FAM221B: variants seen among roughly 807,000 people sequenced by gnomAD.
FAM221B encodes family with sequence similarity 221 member B, also known as protein FAM221B.
In FAM221B, 35 loss-of-function variants were observed where a neutral mutation model predicts 39.8. That is an observed-to-expected ratio of 0.88 (90% confidence interval 0.67 to 1.17). The LOEUF (loss-of-function observed/expected upper bound fraction) is 1.17. Among genes scored for constraint, FAM221B ranks in the 50% most tolerant of loss-of-function variants. The pLI is 0.00. For missense variants in FAM221B, 479 were observed against 503.1 expected (o/e 0.95, Z 0.46); for synonymous variants, 158 against 178.1 (o/e 0.89, Z 0.90).
chr9:35,819,623 G>C (rs890261171), intron 4 of FAM221B, among the ~76,000 whole-genome samples: 1 of 152,184 alleles, frequency 6.6e-6, no homozygotes. Flanking sequence ...CTCCTGAGTA[G>C]CTGGGACTAC....
At chr9:35,818,574 C>A (rs886170203) in intron 6 of FAM221B, 68 bp from the exon 7 acceptor site, 3 of 1,469,470 alleles carry the variant, frequency 2.0e-6, no homozygotes, top group Non-Finnish European at 2.8e-6. Flanking sequence ...AGGCTGGAGA[C>A]CGTGTGAACC....
At chr9:35,823,445 C>T (rs975547636) in intron 3 of FAM221B, among the ~76,000 whole-genome samples, 2 of 152,226 alleles carry the variant, frequency 1.3e-5, no homozygotes, top group African/African-American at 4.8e-5. Flanking sequence ...TTTCTGTACA[C>T]ATCACATATA....
chr9:35,820,021 G>T, intron 3 of FAM221B, 21 bp from the exon 4 acceptor site: 1 of 1,577,896 alleles, frequency 6.3e-7, no homozygotes, highest in Non-Finnish European at 8.7e-7. Context: ...AGGATTAAAA[G>T]TGAGAAGTAA....
Position 35,819,939 on chromosome 9 carries a change from C to G in FAM221B, c.804G>C (p.Glu268Asp). The change falls in exon 4 of 7, where the codon GAG becomes GAC. Residue 268 changes from glutamate to aspartate, a missense_variant. By Grantham distance (45) the Glu-to-Asp change is conservative. Coordinates refer to ENST00000423537, the MANE Select transcript of FAM221B (RefSeq NM_001012446.4). The stretch of plus-strand genomic sequence containing the variant: ...ACAAGTGTCCACAAAAGCATCTGGA[C>G]TCATCCCCAATCCGGAAACAGTCCC... ...YLWDCFRIGD[E>D]SRCFCGHLLR... 1 of 1,614,192 alleles carries G rather than the reference C, an allele frequency of 6.2e-7. No individual in the cohort carries two copies.
chr9:35,825,612 C>T lies in FAM221B; in HGVS notation c.550G>A (p.Asp184Asn), dbSNP rs375534080. Residue 184 changes from aspartate to asparagine, a missense_variant, in exon 2 of 7, where the codon GAT becomes AAT. Coordinates refer to ENST00000423537, the MANE Select transcript of FAM221B (RefSeq NM_001012446.4). The surrounding 1 kb of genome is among the most constrained non-coding windows in gnomAD (Gnocchi z 4.2). ...GTGTGAGCAGTGCTGTCACTGGCAT[C>T]TACTCCCTTTTCAACCTCTCCTGCT... Reference protein sequence around the residue: ...EEAGEVEKGVDASDSTAHTAQ... With the variant: ...EEAGEVEKGVNASDSTAHTAQ... 2.0e-5 allele frequency: 33 copies of T among 1,613,952 alleles called. No individual in the cohort carries two copies. Among genetic ancestry groups the T allele is most frequent in the Non-Finnish European group, 2.8e-5 (33 of 1,179,962 alleles).
At position 35,825,107 on chromosome 9, in the gene FAM221B, G is replaced by T; in HGVS notation, c.742+123C>A. On this transcript the variant is annotated intron_variant, in intron 3 of 6. Transcript: ENST00000423537. This position sits in a 1 kb window ranked among gnomAD's most constrained non-coding sequence, Gnocchi z 4.2. ...GCCCACTTGCCTGCTCCTTTTCCAG[G>T]CAGGTGGTATAGCCATTTCCAAAAG... 8.8e-7 allele frequency: 1 copy of T among 1,142,462 alleles called. No homozygotes were observed. Among genetic ancestry groups the T allele is most frequent in the Non-Finnish European group, 1.2e-6 (1 of 814,192 alleles). 70.8% of individuals were successfully genotyped at this position (1,142,462 alleles called of 1,614,324 possible).
intron 1 of FAM221B, among the ~76,000 whole-genome samples, chr9:35,827,999 G>C (rs1254682092): frequency 1.3e-5 from 2 of 152,022 alleles, no homozygotes; most frequent in Non-Finnish European, 2.9e-5. Flanking sequence ...AGGATGAAAA[G>C]TACAGAATGT....
At position 35,818,151 on chromosome 9, in the gene FAM221B, TC is replaced by T. The variant is rs1453418447; in HGVS notation, c.*317del. 5.5e-6 allele frequency: 2 copies of T among 366,300 alleles called. No homozygotes were observed. Among genetic ancestry groups the T allele is most frequent in the African/African-American group, 4.1e-5 (2 of 48,472 alleles). 22.7% of individuals were successfully genotyped at this position (366,300 alleles called of 1,614,324 possible). On this transcript the variant is annotated 3_prime_UTR_variant, in exon 7 of 7. Transcript: ENST00000423537. ...CTGCACTCTCCGATGTTCCCAAAGATCTTCTAATTGCAAAACCCAATGGACA... is the reference window on the plus strand; with the variant it reads ...CTGCACTCTCCGATGTTCCCAAAGATTTCTAATTGCAAAACCCAATGGACA...
intron 1 of FAM221B, chr9:35,826,839 C>A: frequency 6.6e-6 from 1 of 152,430 alleles, no homozygotes; most frequent in East Asian, 1.9e-4. Context: ...TGGAGTCTCG[C>A]TCTGTTGCCC....
At chr9:35,819,497 C>CTTT in intron 4 of FAM221B, 103 bp from the exon 5 acceptor site, 3 of 856,190 alleles carry the variant, frequency 3.5e-6, no homozygotes, top group Non-Finnish European at 5.1e-6. Flanking sequence ...CGCAGACATG[C>CTTT]TTTTTTTTTT....
At position 35,826,031 on chromosome 9, in the gene FAM221B, G is replaced by A; in HGVS notation, c.131C>T (p.Thr44Ile). ...HISESFLKPS[T>I]SETPLEPHTS... The stretch of plus-strand genomic sequence containing the variant: ...ATGGGGCTCTAACGGGGTCTCAGAG[G>A]TGGAAGGCTTCAAGAAGCTTTCAGA... The change falls in exon 2 of 7, where the codon ACC (threonine) becomes ATC (isoleucine). Residue 44 changes from threonine to isoleucine, a missense_variant. By Grantham distance (89) the Thr-to-Ile change is moderately conservative. Transcript: ENST00000423537. 6.2e-7 allele frequency: 1 copy of A among 1,614,132 alleles called. No individual in the cohort carries two copies. Among genetic ancestry groups the A allele is most frequent in the Non-Finnish European group, 8.5e-7 (1 of 1,180,012 alleles).
chr9:35,820,559 G>A (rs990101426), intron 3 of FAM221B, among the ~76,000 whole-genome samples: 10 of 152,264 alleles, frequency 6.6e-5, no homozygotes, highest in Middle Eastern at 3.4e-3. Context: ...TTCCTCTCAC[G>A]TCTCCACGTT....
At position 35,828,329 on chromosome 9, in the gene FAM221B, A is replaced by AACAACT. The variant is rs201183435; in HGVS notation, c.-1+128_-1+133dup. The AACAACT allele has an allele frequency of 8.5e-3, 1,188 of 139,040 alleles. 32 individuals are homozygous for AACAACT. Among genetic ancestry groups the AACAACT allele is most frequent in the African/African-American group, 0.031 (990 of 31,868 alleles). The allele number at this position is 139,040 out of a possible 1,614,324, so 8.6% of individuals were successfully genotyped here. On this transcript the variant is annotated intron_variant, in intron 1 of 6. Transcript: ENST00000423537. The surrounding 1 kb of genome is among the most constrained non-coding windows in gnomAD (Gnocchi z 4.5). The stretch of plus-strand genomic sequence containing the variant: ...CAACAACAACAACAACAACAACAAC[A>AACAACT]ACAACTACTACTACTACTACTACTA...
Position 35,828,131 on chromosome 9 carries a change from A to T in FAM221B, c.-1+332T>A, listed in dbSNP as rs1374723872. Among the ~76,000 whole-genome samples, 3 of 152,122 alleles carry T rather than the reference A, an allele frequency of 2.0e-5. No individual in the cohort carries two copies. The highest frequency in any genetic ancestry group is 4.4e-5 in the Non-Finnish European group (3 of 68,020). On this transcript the variant is annotated intron_variant, in intron 1 of 6. Coordinates refer to ENST00000423537, the MANE Select transcript of FAM221B (RefSeq NM_001012446.4). The surrounding 1 kb of genome is among the most constrained non-coding windows in gnomAD (Gnocchi z 4.5). ...ACATGGTGAAACCCAGTCTCTACTA[A>T]AAATACAAAAATTAGCTGGGCATGG...
intron 3 of FAM221B, among the ~76,000 whole-genome samples, chr9:35,823,997 G>T (rs1164431748): frequency 7.1e-6 from 1 of 140,016 alleles, no homozygotes; most frequent in Non-Finnish European, 1.6e-5. Flanking sequence ...AACCGAATAT[G>T]TTAACATAAG....
At chr9:35,818,867 CCT>C (rs1829072311) in intron 6 of FAM221B, 21 bp downstream of exon 6, 7 of 1,550,980 alleles carry the variant, frequency 4.5e-6, no homozygotes, top group South Asian at 3.6e-5. Context: ...GGAATGGCCC[CCT>C]GTCCCAGGTT....
rs768551288 is a variant in FAM221B at position 35,826,073 on chromosome 9, A to G, written c.89T>C (p.Leu30Ser). ...PPSKDPSAED[L>S]QENHISESFL... ...GCTTTCAGAGATATGGTTCTCCTGT[A>G]AGTCCTCAGCAGAGGGGTCCTTTGA... The change falls in exon 2 of 7, where the codon TTA (leucine) becomes TCA (serine). Residue 30 changes from leucine (L) to serine (S), a missense_variant. Leu to Ser is a moderately radical substitution (Grantham distance 145, BLOSUM62 -2). Transcript: ENST00000423537. The G allele has an allele frequency of 6.2e-7, 1 of 1,614,062 alleles. No individual in the cohort carries two copies. The highest frequency in any genetic ancestry group is 8.5e-7 in the Non-Finnish European group (1 of 1,179,990).
rs1278517043 is a variant in FAM221B, at chr9:35,817,681, C to G, written c.*788G>C. 2 of 152,350 alleles carry G rather than the reference C, an allele frequency of 1.3e-5. No homozygotes were observed. The highest frequency in any genetic ancestry group is 4.8e-5 in the African/African-American group (2 of 41,426). 9.4% of individuals were successfully genotyped at this position (152,350 alleles called of 1,614,324 possible). A position where few individuals can be genotyped will look rare whatever the true frequency, so the allele number is the denominator to read the frequency against. On this transcript the variant is annotated 3_prime_UTR_variant, in exon 7 of 7. Coordinates refer to ENST00000423537, the MANE Select transcript of FAM221B (RefSeq NM_001012446.4). ...CTCTTCTTGTCTCCTGCTCCCTACT[C>G]TTATCCCTCTTCCCCTGGACCCCAG...
At chr9:35,820,066 A>G in intron 3 of FAM221B, 66 bp from the exon 4 acceptor site, 1 of 1,160,580 alleles carries the variant, frequency 8.6e-7, no homozygotes. Flanking sequence ...GTTCTTACCT[A>G]TCCCTTGATG....
Sources: allele counts gnomAD v4.1 joint callset (sites outside exome capture counted in the v4.1 genomes callset), GRCh38; gene constraint gnomAD v4.1.1; non-coding constraint Gnocchi (gnomAD v3.1); transcripts MANE v1.5; gene names NCBI Gene and HGNC (gene_info 2026-07-23, HGNC 2026-07-21).